EXTL3: variants seen among roughly 807,000 people sequenced by gnomAD.
EXTL3 encodes the protein exostosin like glycosyltransferase 3.
EXTL3 carries 27 observed loss-of-function variants against 69.3 expected under a neutral mutation model. The observed-to-expected ratio is 0.39, with a 90% confidence interval of 0.29 to 0.54. The LOEUF (loss-of-function observed/expected upper bound fraction) is 0.54, where lower values mean the gene tolerates loss of function less well. Among genes scored for constraint, EXTL3 ranks in the 20% least tolerant of loss-of-function variants. The pLI is 0.69. For synonymous variants in EXTL3, 511 were observed against 499.4 expected (o/e 1.02, Z -0.31); for missense variants, 1,003 against 1,231.8 (o/e 0.81, Z 2.78).
chr8:28,671,810 T>A (rs940987940), intron 1 of EXTL3, among the ~76,000 whole-genome samples: 1 of 152,198 alleles, frequency 6.6e-6, no homozygotes, highest in African/African-American at 2.4e-5. Flanking sequence ...AATAACATTG[T>A]GGGCATGATT....
intron 6 of EXTL3, among the ~76,000 whole-genome samples, chr8:28,743,685 T>C (rs985153251): frequency 2.6e-5 from 4 of 152,230 alleles, no homozygotes; most frequent in Non-Finnish European, 4.4e-5. Flanking sequence ...TGTGATTTAA[T>C]ACATTAAGAA....
At chr8:28,627,098 C>T (rs1447465326) in intron 1 of EXTL3, among the ~76,000 whole-genome samples, 1 of 151,658 alleles carries the variant, frequency 6.6e-6, no homozygotes, top group Non-Finnish European at 1.5e-5. Context: ...AGGAGAATGG[C>T]GTGAACCCAG....
At chr8:28,614,398 T>G (rs1247194257) in intron 2 of EXTL3, among the ~76,000 whole-genome samples, 1 of 150,758 alleles carries the variant, frequency 6.6e-6, no homozygotes, top group Non-Finnish European at 1.5e-5. Context: ...TTCAGCCTCC[T>G]GAGTAGCTGG....
At chr8:28,678,079 G>C (rs1415784725) in intron 1 of EXTL3, 1 of 152,356 alleles carries the variant, frequency 6.6e-6, no homozygotes, top group Non-Finnish European at 1.5e-5. Context: ...CTTGACCTTG[G>C]TCATAGGCAT....
intron 1 of EXTL3, among the ~76,000 whole-genome samples, chr8:28,683,170 G>A (rs1010009925): frequency 2.6e-5 from 4 of 152,162 alleles, no homozygotes; most frequent in Non-Finnish European, 5.9e-5. Flanking sequence ...TAGCTTTGCA[G>A]TATATTTTGA....
At chr8:28,636,059 A>G (rs980250393) in intron 1 of EXTL3, among the ~76,000 whole-genome samples, 4 of 152,036 alleles carry the variant, frequency 2.6e-5, no homozygotes, top group African/African-American at 9.7e-5. Context: ...GGTCCAGCAC[A>G]GTGGCTCACA....
intron 1 of EXTL3, among the ~76,000 whole-genome samples, chr8:28,671,769 C>T (rs1413387456): frequency 1.3e-5 from 2 of 152,180 alleles, no homozygotes; most frequent in Admixed American, 6.5e-5. Flanking sequence ...TCCACTGGCA[C>T]CACTTTGTGA....
intron 1 of EXTL3, among the ~76,000 whole-genome samples, chr8:28,665,655 A>T (rs74825237): frequency 0.037 from 5,691 of 152,084 alleles, 341 homozygotes; most frequent in African/African-American, 0.13. Flanking sequence ...CAATCCGTCC[A>T]TCTCAACCTC....
chr8:28,698,468 T>C (rs773511915), upstream of EXTL3: 4 of 152,272 alleles, frequency 2.6e-5, no homozygotes, highest in Non-Finnish European at 5.9e-5. Context: ...TGGCAGCCGA[T>C]ACTTCCCTGT....
intron 6 of EXTL3, among the ~76,000 whole-genome samples, chr8:28,749,598 T>G (rs187239459): frequency 1.3e-5 from 2 of 152,268 alleles, no homozygotes; most frequent in East Asian, 3.9e-4. Flanking sequence ...CAGGATTTGC[T>G]TTTTCATTGT....
intron 1 of EXTL3, among the ~76,000 whole-genome samples, chr8:28,656,868 C>T (rs1807019066): frequency 6.7e-6 from 1 of 149,352 alleles, no homozygotes; most frequent in Admixed American, 6.7e-5. Flanking sequence ...ATGAATGTGA[C>T]CATTATTATG....
intron 2 of EXTL3, among the ~76,000 whole-genome samples, chr8:28,615,815 C>T (rs911538453): frequency 1.3e-5 from 2 of 151,984 alleles, no homozygotes; most frequent in Non-Finnish European, 2.9e-5. Context: ...CTCAAGTGAT[C>T]TGCTTGCCTG....
Position 28,743,083 on chromosome 8 carries a change from C to T in EXTL3, c.2422-3C>T. The T allele has an allele frequency of 6.2e-7, 1 of 1,614,070 alleles. No homozygotes were observed. Among genetic ancestry groups the T allele is most frequent in the East Asian group, 2.2e-5 (1 of 44,886 alleles). On this transcript the variant is annotated splice_region_variant and splice_polypyrimidine_tract_variant and intron_variant, in intron 5 of 6. Coordinates refer to ENST00000220562, the MANE Select transcript of EXTL3 (RefSeq NM_001440.4). ...CATGTGGTTCTTTTTCTTCCCCTGA[C>T]AGTATTATGCCTACCTGTATTCTTA... is the stretch of plus-strand genomic sequence containing the variant.
chr8:28,740,768 G>A (rs922252983), intron 5 of EXTL3: 3 of 151,972 alleles, frequency 2.0e-5, no homozygotes, highest in African/African-American at 7.3e-5. Flanking sequence ...TTATGCATGT[G>A]TCTATTACTG....
intron 2 of EXTL3, among the ~76,000 whole-genome samples, chr8:28,608,578 C>A (rs1034497017): frequency 5.9e-5 from 9 of 152,116 alleles, no homozygotes; most frequent in African/African-American, 2.2e-4. Context: ...AAAGAAATAA[C>A]CTGGCCAGGC....
At chr8:28,743,781 T>C (rs1383773440) in intron 6 of EXTL3, among the ~76,000 whole-genome samples, 4 of 152,230 alleles carry the variant, frequency 2.6e-5, no homozygotes, top group Admixed American at 2.0e-4. Context: ...AAAACATTAC[T>C]TTGAGGAGTC....
chr8:28,698,062 G>T, upstream of EXTL3: 1 of 152,324 alleles, frequency 6.6e-6, no homozygotes, highest in Non-Finnish European at 1.5e-5. Context: ...TCAGTGTTAA[G>T]GGATGGGCCA....
At chr8:28,672,744 C>T (rs1219781719) in intron 1 of EXTL3, among the ~76,000 whole-genome samples, 1 of 151,454 alleles carries the variant, frequency 6.6e-6, no homozygotes, top group Non-Finnish European at 1.5e-5. Context: ...TGTGTAGTTG[C>T]TTGGTGGTGA....
At chr8:28,687,036 T>G (rs996832687) in intron 1 of EXTL3, among the ~76,000 whole-genome samples, 2 of 152,094 alleles carry the variant, frequency 1.3e-5, no homozygotes, top group Non-Finnish European at 2.9e-5. Context: ...GACTTTGAGG[T>G]GGGACTGTCA....
Sources: allele counts gnomAD v4.1 joint callset (sites outside exome capture counted in the v4.1 genomes callset), GRCh38; gene constraint gnomAD v4.1.1; transcripts MANE v1.5; gene names NCBI Gene and HGNC (gene_info 2026-07-23, HGNC 2026-07-21).